DPY19L1: variants seen among roughly 807,000 people sequenced by gnomAD.
DPY19L1 encodes protein C-mannosyl-transferase DPY19L1.
Under a neutral mutation model 96.9 loss-of-function variants are expected in DPY19L1, and 35 were observed. That is an observed-to-expected ratio of 0.36 (90% CI 0.28 to 0.48). The LOEUF (loss-of-function observed/expected upper bound fraction) is 0.48. DPY19L1 is among the 20% of genes least tolerant of loss of function. The pLI, the probability that DPY19L1 is intolerant of heterozygous loss-of-function variation, is 0.99. For synonymous variants in DPY19L1, 205 were observed against 252.6 expected (o/e 0.81, Z 1.79); for missense variants, 521 against 777.9 (o/e 0.67, Z 3.93).
At chr7:34,980,955 C>T (rs1442230719) in intron 7 of DPY19L1, among the ~76,000 whole-genome samples, 1 of 152,078 alleles carries the variant, frequency 6.6e-6, no homozygotes, top group Non-Finnish European at 1.5e-5. Context: ...TCACATGAAG[C>T]CCCCAAATAG....
rs1464732823 is a variant in DPY19L1 at position 35,037,132 on chromosome 7, G to C, written c.263C>G (p.Ala88Gly). 1.5e-5 allele frequency: 3 copies of C among 199,868 alleles called. No individual in the cohort carries two copies. The highest frequency in any genetic ancestry group is 4.8e-5 in the African/African-American group (2 of 41,918). The allele number at this position is 199,868 out of a possible 1,614,324, so 12.4% of individuals were successfully genotyped here. A position where few individuals can be genotyped will look rare whatever the true frequency, so the allele number is the denominator to read the frequency against. ...RLRWALGLRR[A>G]GRGRTWTTLL... ...CGTGGTCCAGGTCCGGCCGCGCCCC[G>C]CGCGCCGCAGGCCCAGCGCCCAGCG... Residue 88 changes from alanine to glycine, a missense_variant, in exon 1 of 22, where the codon GCG becomes GGG. Transcript: ENST00000638088.
chr7:34,996,569 C>T (rs1306473014), intron 6 of DPY19L1, among the ~76,000 whole-genome samples: 2 of 152,082 alleles, frequency 1.3e-5, no homozygotes, highest in Non-Finnish European at 2.9e-5. Context: ...CCAGCTCAGG[C>T]TCCCATCGTC....
intron 10 of DPY19L1, among the ~76,000 whole-genome samples, chr7:34,965,607 G>C (rs1224247588): frequency 6.6e-6 from 1 of 151,930 alleles, no homozygotes; most frequent in Non-Finnish European, 1.5e-5. Flanking sequence ...GTAGGCTCCT[G>C]GTTGTTTATT....
intron 6 of DPY19L1, among the ~76,000 whole-genome samples, chr7:34,994,783 G>A (rs1562820103): frequency 6.7e-6 from 1 of 149,914 alleles, no homozygotes; most frequent in Non-Finnish European, 1.5e-5. Flanking sequence ...CAGCCTGTGC[G>A]ACAGAGCAAG....
chr7:34,943,453 TTC>T (rs2128782353), intron 16 of DPY19L1, among the ~76,000 whole-genome samples: 1 of 152,326 alleles, frequency 6.6e-6, no homozygotes, highest in African/African-American at 2.4e-5. Context: ...CAGGACTATA[TTC>T]TGACTGACTT....
chr7:34,951,428 C>T (rs924979299), intron 13 of DPY19L1, among the ~76,000 whole-genome samples: 8 of 151,736 alleles, frequency 5.3e-5, no homozygotes, highest in Non-Finnish European at 1.0e-4. Context: ...ATTATAAATG[C>T]AATACAACTA....
intron 1 of DPY19L1, among the ~76,000 whole-genome samples, chr7:35,034,755 A>G (rs1559959): frequency 0.26 from 39,632 of 152,116 alleles, 5,398 homozygotes; most frequent in Non-Finnish European, 0.31. Context: ...ATAGAAATGA[A>G]TCCATTTCTG....
At chr7:35,026,287 G>A (rs1212122183) in intron 1 of DPY19L1, among the ~76,000 whole-genome samples, 1 of 152,166 alleles carries the variant, frequency 6.6e-6, no homozygotes, top group Non-Finnish European at 1.5e-5. Flanking sequence ...TCCCATTCCA[G>A]ACCTCCTGAT....
chr7:35,037,644 T>G, upstream of DPY19L1: 2 of 221,828 alleles, frequency 9.0e-6, no homozygotes, highest in Non-Finnish European at 1.6e-5. Flanking sequence ...CCGCTCCGGT[T>G]GTCACGGCGA....
At chr7:35,005,469 T>TG (rs1293669964) in intron 6 of DPY19L1, among the ~76,000 whole-genome samples, 3 of 150,534 alleles carry the variant, frequency 2.0e-5, no homozygotes, top group Non-Finnish European at 4.4e-5. Context: ...GGAGACTAGA[T>TG]GGGGGTAGCA....
At chr7:34,979,173 A>G (rs570238660) in intron 7 of DPY19L1, among the ~76,000 whole-genome samples, 31 of 152,202 alleles carry the variant, frequency 2.0e-4, no homozygotes, top group African/African-American at 7.5e-4. Context: ...CGGTGAGTAC[A>G]CCTCCATGTT....
At chr7:34,955,755 A>C (rs1273562453) in intron 11 of DPY19L1, among the ~76,000 whole-genome samples, 1 of 152,194 alleles carries the variant, frequency 6.6e-6, no homozygotes, top group African/African-American at 2.4e-5. Flanking sequence ...CAGCAAATGA[A>C]ATGTTAATGG....
chr7:35,017,518 A>AAAAGAAAAC (rs1785885967), intron 3 of DPY19L1, among the ~76,000 whole-genome samples: 1 of 91,306 alleles, frequency 1.1e-5, no homozygotes, highest in Non-Finnish European at 2.4e-5. Flanking sequence ...AAAAAAAAAA[A>AAAAGAAAAC]AAAATTAGCC....
rs1014845054 is a variant in DPY19L1, at chr7:34,929,228, G to A, written c.*2345C>T. The A allele has an allele frequency of 1.1e-4, 16 of 152,100 alleles. No individual in the cohort carries two copies. The highest frequency in any genetic ancestry group is 3.4e-4 in the African/African-American group (14 of 41,412). The allele number at this position is 152,100 out of a possible 1,614,324, so 9.4% of individuals were successfully genotyped here. A position where few individuals can be genotyped will look rare whatever the true frequency, so the allele number is the denominator to read the frequency against. On this transcript the variant is annotated 3_prime_UTR_variant, in exon 22 of 22. Transcript: ENST00000638088. ...ACTGAGCTTTAATACTGTTTTGTAC[G>A]CCTATGGAACCTGCTACCAATCTGC...
At chr7:34,980,866 A>G (rs775902304) in intron 7 of DPY19L1, among the ~76,000 whole-genome samples, 1 of 152,224 alleles carries the variant, frequency 6.6e-6, no homozygotes, top group African/African-American at 2.4e-5. Flanking sequence ...TGGTACAAGC[A>G]CTTTGGAAAA....
intron 1 of DPY19L1, among the ~76,000 whole-genome samples, chr7:35,036,413 G>T (rs1478818582): frequency 1.4e-5 from 2 of 145,468 alleles, no homozygotes; most frequent in African/African-American, 5.0e-5. Context: ...CGTCAACTTT[G>T]TTTTTTTTTT....
At chr7:35,003,645 T>C (rs1334261856) in intron 6 of DPY19L1, among the ~76,000 whole-genome samples, 1 of 152,256 alleles carries the variant, frequency 6.6e-6, no homozygotes, top group Admixed American at 6.5e-5. Context: ...CAGATGTCCC[T>C]ACCGACTGAG....
At chr7:35,006,084 C>A (rs1219071095) in intron 6 of DPY19L1, among the ~76,000 whole-genome samples, 1 of 152,132 alleles carries the variant, frequency 6.6e-6, no homozygotes, top group Non-Finnish European at 1.5e-5. Context: ...ATTTCTGGCA[C>A]CCTTTTCAAA....
At chr7:35,028,990 C>T (rs1326182703) in intron 1 of DPY19L1, among the ~76,000 whole-genome samples, 3 of 152,172 alleles carry the variant, frequency 2.0e-5, no homozygotes, top group African/African-American at 7.2e-5. Context: ...TCATCGCCAT[C>T]TTGGTTTCAG....
Sources: allele counts gnomAD v4.1 joint callset (sites outside exome capture counted in the v4.1 genomes callset), GRCh38; gene constraint gnomAD v4.1.1; transcripts MANE v1.5; gene names NCBI Gene and HGNC (gene_info 2026-07-23, HGNC 2026-07-21).